The following CYB5R3 variants were observed in gnomAD, a reference collection of about 807,000 sequenced individuals.
CYB5R3 encodes the protein cytochrome b5 reductase 3.
In CYB5R3, 28 loss-of-function variants were observed where a neutral mutation model predicts 36.5. The observed-to-expected ratio is 0.77, with a 90% CI of 0.57 to 1.05. The LOEUF is 1.05. CYB5R3 is among the 50% of genes least tolerant of loss of function. The probability of loss-of-function intolerance (pLI) is 0.00; values close to 1 mark genes in which losing one functional copy is unlikely to be tolerated. For missense variants in CYB5R3, 474 were observed against 408.9 expected (o/e 1.16, Z -1.37); for synonymous variants, 181 against 159.8 (o/e 1.13, Z -1.00).
rs1927831890 is a variant in CYB5R3 at position 42,619,476 on chromosome 22, AGT to A, written c.*295_*296del. The A allele has an allele frequency of 6.5e-6, 3 of 464,928 alleles. No individual in the cohort carries two copies. The allele number at this position is 464,928 out of a possible 1,614,324, so 28.8% of individuals were successfully genotyped here. A position where few individuals can be genotyped will look rare whatever the true frequency, so the allele number is the denominator to read the frequency against. ...GGCTGCTGGCAGCCCTCAGCCTTAT[AGT>A]GTGTGTGGGGGGTGGACGAGGGGTC... On this transcript the variant is annotated 3_prime_UTR_variant, in exon 9 of 9. Transcript: ENST00000352397.
chr22:42,643,374 C>A (rs1402436184), intron 1 of CYB5R3, among the ~76,000 whole-genome samples: 4 of 152,182 alleles, frequency 2.6e-5, no homozygotes, highest in Non-Finnish European at 5.9e-5. Flanking sequence ...CCACTACCAA[C>A]TGAGAGGAGT....
At chr22:42,631,165 C>CGGG in intron 3 of CYB5R3, 177 bp from the exon 4 acceptor site, 1 of 756,502 alleles carries the variant, frequency 1.3e-6, no homozygotes, top group South Asian at 1.6e-5. Flanking sequence ...TTCCTGCCTC[C>CGGG]ATGCCTTCAC....
chr22:42,623,031 A>C (rs1314496153), intron 8 of CYB5R3, among the ~76,000 whole-genome samples: 1 of 152,220 alleles, frequency 6.6e-6, no homozygotes, highest in African/African-American at 2.4e-5. Context: ...CCTCCGGACC[A>C]GGCAGATGCG....
chr22:42,644,566 C>T (rs757734353), intron 1 of CYB5R3: 4 of 1,528,360 alleles, frequency 2.6e-6, no homozygotes, highest in African/African-American at 1.4e-5. Flanking sequence ...CCCTAGCTAA[C>T]CAGGCCCTTG....
chr22:42,625,710 G>A (rs1230324811), intron 7 of CYB5R3, among the ~76,000 whole-genome samples: 1 of 152,040 alleles, frequency 6.6e-6, no homozygotes, highest in Non-Finnish European at 1.5e-5. Context: ...AGGAAGGTAG[G>A]AGAGGAAACG....
chr22:42,619,204 T>A lies in CYB5R3; in HGVS notation c.*569A>T, dbSNP rs1400039639. On this transcript the variant is annotated 3_prime_UTR_variant, in exon 9 of 9. Transcript: ENST00000352397. ...CATGGCCAGCCCCCTCTTCCCACTC[T>A]AGCCAGAGGAGAGCCAAGCTCCCGG... The A allele has an allele frequency of 6.5e-6, 1 of 154,482 alleles. No homozygotes were observed. The highest frequency in any genetic ancestry group is 2.4e-5 in the African/African-American group (1 of 41,492). The allele number at this position is 154,482 out of a possible 1,614,324, so 9.6% of individuals were successfully genotyped here.
At chr22:42,628,530 A>AG (rs1282890804) in intron 4 of CYB5R3, among the ~76,000 whole-genome samples, 2 of 152,108 alleles carry the variant, frequency 1.3e-5, no homozygotes, top group African/African-American at 4.8e-5. Context: ...CTCGTGTACA[A>AG]GGCCGACCAA....
chr22:42,626,725 GA>G (rs1213969986), intron 7 of CYB5R3, among the ~76,000 whole-genome samples: 1 of 152,182 alleles, frequency 6.6e-6, no homozygotes, highest in African/African-American at 2.4e-5. Context: ...ACACTAACCT[GA>G]AAAGACCTTG....
intron 6 of CYB5R3, 94 bp from the exon 7 acceptor site, chr22:42,627,483 CCA>C (rs1354215505): frequency 2.0e-6 from 3 of 1,487,506 alleles, no homozygotes; most frequent in Non-Finnish European, 2.8e-6. Context: ...GGGGCCAGGA[CCA>C]CTGGGCCTGG....
intron 8 of CYB5R3, among the ~76,000 whole-genome samples, chr22:42,621,462 C>T (rs1293986532): frequency 6.6e-6 from 1 of 152,182 alleles, no homozygotes; most frequent in Admixed American, 6.5e-5. Context: ...GTCCTTGGGG[C>T]TCTCCTCATC....
intron 1 of CYB5R3, among the ~76,000 whole-genome samples, chr22:42,638,502 G>A (rs1049943632): frequency 2.1e-5 from 3 of 141,064 alleles, no homozygotes; most frequent in African/African-American, 8.1e-5. Flanking sequence ...CCAGTAGTTC[G>A]CGACCAGCCT....
chr22:42,624,989 G>A (rs1030067306), intron 7 of CYB5R3, among the ~76,000 whole-genome samples: 9 of 152,150 alleles, frequency 5.9e-5, no homozygotes, highest in African/African-American at 2.2e-4. Context: ...CAGGGAACAC[G>A]GGGTGTTGAA....
At chr22:42,646,530 A>C in intron 1 of CYB5R3, 2 of 426,266 alleles carry the variant, frequency 4.7e-6, no homozygotes, top group Non-Finnish European at 6.3e-6. Flanking sequence ...AGGCCAGGTT[A>C]GGGGTGGGCA....
At chr22:42,642,274 G>A (rs1478465948) in intron 1 of CYB5R3, among the ~76,000 whole-genome samples, 11 of 151,930 alleles carry the variant, frequency 7.2e-5, no homozygotes, top group Non-Finnish European at 1.3e-4. Context: ...ACCAGGCCTT[G>A]GTAATTTTTT....
In CYB5R3 at chr22:42,619,719, G is replaced by A; in HGVS notation, c.*54C>T. On this transcript the variant is annotated 3_prime_UTR_variant, in exon 9 of 9. Transcript: ENST00000352397. ...GATGTGGGGAGGTGACTGGGTGAGC[G>A]TGAACAGGGCGTGGGGTGCGCGGGG... 5.3e-6 allele frequency: 8 copies of A among 1,503,582 alleles called. No homozygotes were observed. The highest frequency in any genetic ancestry group is 4.0e-5 in the Admixed American group (2 of 50,048). 93.1% of individuals were successfully genotyped at this position (1,503,582 alleles called of 1,614,324 possible). A position where few individuals can be genotyped will look rare whatever the true frequency, so the allele number is the denominator to read the frequency against.
chr22:42,649,245 T>C, intron 1 of CYB5R3, 50 bp downstream of exon 1: 1 of 547,842 alleles, frequency 1.8e-6, no homozygotes. Flanking sequence ...CGCCGCCGGG[T>C]CCCAGTCCCT....
intron 2 of CYB5R3, chr22:42,631,890 G>A (rs1295338131): frequency 5.1e-6 from 1 of 194,202 alleles, no homozygotes; most frequent in Non-Finnish European, 1.1e-5. Context: ...CCCAAGAGAG[G>A]GGCTGCAGAA....
At chr22:42,645,180 A>C (rs750513205) in intron 1 of CYB5R3, among the ~76,000 whole-genome samples, 4 of 152,142 alleles carry the variant, frequency 2.6e-5, no homozygotes, top group Non-Finnish European at 5.9e-5. Flanking sequence ...GCTCCCCACA[A>C]GTCTCCAGAA....
intron 1 of CYB5R3, among the ~76,000 whole-genome samples, chr22:42,637,863 T>A (rs924659721): frequency 5.9e-5 from 9 of 152,162 alleles, no homozygotes; most frequent in Non-Finnish European, 1.2e-4. Context: ...TATACCACGC[T>A]GGGATACCTC....
Sources: allele counts gnomAD v4.1 joint callset (sites outside exome capture counted in the v4.1 genomes callset), GRCh38; gene constraint gnomAD v4.1.1; transcripts MANE v1.5; gene names NCBI Gene and HGNC (gene_info 2026-07-23, HGNC 2026-07-21).